CRBN: variants seen among roughly 807,000 people sequenced by gnomAD.
CRBN encodes protein cereblon.
A neutral mutation model predicts 62.2 loss-of-function variants in CRBN; 53 were observed. The ratio of observed to expected loss-of-function variants is 0.85; its 90% CI spans 0.68 to 1.07. The LOEUF is 1.07. CRBN is among the 50% of genes least tolerant of loss of function. CRBN has a pLI of 0.00. For synonymous variants in CRBN, 208 were observed against 176.1 expected, an observed-to-expected ratio of 1.18 and a Z score of -1.43; for missense variants, 616 against 531.1, an observed-to-expected ratio of 1.16 and a Z score of -1.57.
intron 5 of CRBN, among the ~76,000 whole-genome samples, chr3:3,161,236 C>T (rs1707127378): frequency 6.6e-6 from 1 of 152,124 alleles, no homozygotes; most frequent in Non-Finnish European, 1.5e-5. Flanking sequence ...TTACAAGGAA[C>T]TCCCAAGAAA....
chr3:3,159,400 A>G (rs966515281), intron 5 of CRBN, among the ~76,000 whole-genome samples: 2 of 152,262 alleles, frequency 1.3e-5, no homozygotes, highest in Non-Finnish European at 2.9e-5. Flanking sequence ...TATACTTCAC[A>G]TATCAGAATG....
rs1706818283 is a variant in CRBN, at chr3:3,154,974, C to A, written c.751-143G>T. ...GTCCCAGTTTAAATGCCTCCATTTT[C>A]GTATGCAGCAATGATCAAGCTCCAG... is the stretch of plus-strand genomic sequence containing the variant. On this transcript the variant is annotated intron_variant, in intron 6 of 10. Transcript: ENST00000231948. The A allele has an allele frequency of 8.2e-5, 54 of 658,120 alleles. 1 individual carries two copies. The South Asian group carries it at 9.2e-4, about 11-fold the overall frequency. 40.8% of individuals were successfully genotyped at this position (658,120 alleles called of 1,614,324 possible).
chr3:3,179,460 G>A (rs1292288182), intron 1 of CRBN, among the ~76,000 whole-genome samples, 161 bp downstream of exon 1: 2 of 152,176 alleles, frequency 1.3e-5, no homozygotes, highest in African/African-American at 4.8e-5. Flanking sequence ...CGACTCCATC[G>A]CTGGCCGAGG....
intron 10 of CRBN, among the ~76,000 whole-genome samples, chr3:3,151,638 T>A (rs1706560602): frequency 6.6e-6 from 1 of 152,242 alleles, no homozygotes; most frequent in South Asian, 2.1e-4. Context: ...CATTTATTTA[T>A]AGTAACAAAT....
Position 3,167,686 on chromosome 3 carries a change from G to C in CRBN, c.635C>G (p.Pro212Arg). The change falls in exon 5 of 11, where the codon CCT (proline) becomes CGT (arginine). Residue 212 changes from proline (P) to arginine (R), a missense_variant. Transcript: ENST00000231948. ...TGAACATTGGTCTTCTCTTGAGACA[G>C]GTTTTGAAGGAAATATCTGGCACTT... ...LNKCQIFPSK[P>R]VSREDQCSYK... 1 of 1,613,494 alleles carries C rather than the reference G, an allele frequency of 6.2e-7. No individual in the cohort carries two copies. The highest frequency in any genetic ancestry group is 8.5e-7 in the Non-Finnish European group (1 of 1,179,586).
intron 7 of CRBN, chr3:3,154,418 GA>G: frequency 2.2e-6 from 1 of 454,662 alleles, no homozygotes; most frequent in African/African-American, 2.0e-5. Context: ...CCTGGAACTA[GA>G]CTCACTTCTT....
At chr3:3,153,827 G>C in intron 8 of CRBN, 133 bp downstream of exon 8, 1 of 686,808 alleles carries the variant, frequency 1.5e-6, no homozygotes, top group Non-Finnish European at 2.7e-6. Context: ...TTGTTTGTAA[G>C]ATCCCAATTG....
At chr3:3,175,382 T>A (rs1707792874) in intron 1 of CRBN, 113 bp from the exon 2 acceptor site, 1 of 773,376 alleles carries the variant, frequency 1.3e-6, no homozygotes, top group Non-Finnish European at 2.2e-6. Context: ...TTTGGTAAAC[T>A]CTACAGCACC....
At chr3:3,162,690 C>T (rs566286780) in intron 5 of CRBN, among the ~76,000 whole-genome samples, 4 of 152,178 alleles carry the variant, frequency 2.6e-5, no homozygotes, top group South Asian at 4.2e-4. Flanking sequence ...CTACAATCCT[C>T]GATACTTTAA....
chr3:3,178,886 CATTTT>C (rs1290171367), intron 1 of CRBN, among the ~76,000 whole-genome samples: 1 of 147,340 alleles, frequency 6.8e-6, no homozygotes, highest in Non-Finnish European at 1.5e-5. Context: ...ATATTCCATG[CATTTT>C]TTTTTTTGTT....
chr3:3,166,171 T>C (rs781462964), intron 5 of CRBN, among the ~76,000 whole-genome samples: 2 of 152,096 alleles, frequency 1.3e-5, no homozygotes, highest in Non-Finnish European at 2.9e-5. Flanking sequence ...CCACATGTCA[T>C]GGGAGGAACT....
chr3:3,157,746 A>G (rs1024081643), intron 5 of CRBN, among the ~76,000 whole-genome samples: 1 of 152,154 alleles, frequency 6.6e-6, no homozygotes, highest in Non-Finnish European at 1.5e-5. Flanking sequence ...CGCCACTCCA[A>G]TCCTATTCTA....
intron 5 of CRBN, among the ~76,000 whole-genome samples, chr3:3,161,192 G>GTTTGGAACTCA (rs1324651146): frequency 6.6e-6 from 1 of 152,094 alleles, no homozygotes; most frequent in Non-Finnish European, 1.5e-5. Flanking sequence ...TAGGAAAAAT[G>GTTTGGAACTCA]TTTGGAACTC....
At chr3:3,154,097 G>GT (rs1420660176) in intron 7 of CRBN, 22 bp from the exon 8 acceptor site, 2 of 1,442,242 alleles carry the variant, frequency 1.4e-6, no homozygotes, top group Admixed American at 3.4e-5. Context: ...GGTTTTTCAA[G>GT]TTTTAAACTT....
intron 5 of CRBN, among the ~76,000 whole-genome samples, chr3:3,164,446 T>G (rs1406699676): frequency 6.6e-6 from 1 of 152,152 alleles, no homozygotes; most frequent in African/African-American, 2.4e-5. Flanking sequence ...CAAAGCCTAA[T>G]CCAGAGAAAG....
intron 5 of CRBN, among the ~76,000 whole-genome samples, chr3:3,166,513 A>G (rs1392921612): frequency 1.3e-5 from 2 of 152,196 alleles, no homozygotes; most frequent in Non-Finnish European, 2.9e-5. Flanking sequence ...GGCAGTATCA[A>G]TATTACTAAA....
At chr3:3,156,573 C>T (rs1706901927) in intron 5 of CRBN, 2 of 430,508 alleles carry the variant, frequency 4.6e-6, no homozygotes, top group Non-Finnish European at 8.4e-6. Context: ...AGAGTAAACA[C>T]CATACTTCTA....
intron 5 of CRBN, among the ~76,000 whole-genome samples, chr3:3,165,202 T>C (rs895100795): frequency 6.6e-6 from 1 of 152,140 alleles, no homozygotes; most frequent in African/African-American, 2.4e-5. Context: ...AATAAAGTGG[T>C]TTCTTGAGAA....
At chr3:3,171,290 T>C (rs1364899097) in intron 4 of CRBN, among the ~76,000 whole-genome samples, 1 of 152,186 alleles carries the variant, frequency 6.6e-6, no homozygotes, top group Non-Finnish European at 1.5e-5. Context: ...TATTCACAAA[T>C]AATCAAAATT....
Sources: gnomAD v4.1 joint callset for allele counts (sites outside exome capture counted in the v4.1 genomes callset) on GRCh38, gnomAD v4.1.1 for gene constraint, MANE v1.5 for transcripts, NCBI Gene and HGNC (gene_info 2026-07-23, HGNC 2026-07-21) for gene names.